HIPK1: variants seen among roughly 807,000 people sequenced by gnomAD.
HIPK1 encodes the protein homeodomain interacting protein kinase 1.
HIPK1 carries 28 observed loss-of-function variants against 117.1 expected under a neutral mutation model. The ratio of observed to expected loss-of-function variants is 0.24; its 90% CI spans 0.18 to 0.33. The LOEUF (loss-of-function observed/expected upper bound fraction) is 0.33, where lower values mean the gene tolerates loss of function less well. HIPK1 is among the 10% of genes least tolerant of loss of function. The pLI, the probability that HIPK1 is intolerant of heterozygous loss-of-function variation, is 1.00. For synonymous variants in HIPK1, 605 were observed against 562.5 expected (o/e 1.08, Z -1.07); for missense variants, 1,122 against 1,475.1 (o/e 0.76, Z 3.92).
chr1:113,957,765 C>A lies in HIPK1; in HGVS notation c.1756-301C>A, dbSNP rs1338246515. On this transcript the variant is annotated intron_variant, in intron 7 of 15. Coordinates refer to ENST00000426820, the MANE Select transcript of HIPK1 (RefSeq NM_198268.3). Reference sequence around the variant, plus strand: ...TGGGTCTACTTTTTTAATGGAAGAGCCTATGAGATTTGGTGGGATCTTCCA... The same window carrying A: ...TGGGTCTACTTTTTTAATGGAAGAGACTATGAGATTTGGTGGGATCTTCCA... 2.6e-5 allele frequency among the ~76,000 whole-genome samples: 4 copies of A among 152,084 alleles called. No individual in the cohort carries two copies. In the East Asian group the frequency reaches 5.8e-4, roughly 22 times the overall value.
Position 113,929,345 on chromosome 1 carries a change from G to A in HIPK1, c.-190G>A, listed in dbSNP as rs771164440. 3 of 1,289,410 alleles carry A rather than the reference G, an allele frequency of 2.3e-6. No homozygotes were observed. Among genetic ancestry groups the A allele is most frequent in the East Asian group, 1.1e-4 (2 of 18,102 alleles). The allele number at this position is 1,289,410 out of a possible 1,614,324, so 79.9% of individuals were successfully genotyped here. A position where few individuals can be genotyped will look rare whatever the true frequency, so the allele number is the denominator to read the frequency against. Reference sequence around the variant, plus strand: ...GGATGACATTTTACAGTTGGATCCCGTACCACCGCCAGGCACCTTTAAATC... The same window carrying A: ...GGATGACATTTTACAGTTGGATCCCATACCACCGCCAGGCACCTTTAAATC... On this transcript the variant is annotated 5_prime_UTR_variant, in exon 1 of 16. Coordinates refer to ENST00000426820, the MANE Select transcript of HIPK1 (RefSeq NM_198268.3).
intron 10 of HIPK1, 42 bp from the exon 11 acceptor site, chr1:113,966,088 A>G: frequency 6.4e-7 from 1 of 1,572,272 alleles, no homozygotes; most frequent in Non-Finnish European, 8.6e-7. Flanking sequence ...AAAGCCAAGA[A>G]TGAATCAAGT....
At chr1:113,961,741 C>T (rs1051844199) in intron 8 of HIPK1, among the ~76,000 whole-genome samples, 13 of 151,736 alleles carry the variant, frequency 8.6e-5, no homozygotes, top group East Asian at 5.8e-4. Flanking sequence ...GTCAGGAGTT[C>T]GAGACCAGCC....
chr1:113,942,305 C>G (rs1670703345), intron 2 of HIPK1, among the ~76,000 whole-genome samples: 1 of 152,144 alleles, frequency 6.6e-6, no homozygotes, highest in African/African-American at 2.4e-5. Context: ...AGGTGATCCA[C>G]CCGCCTCAGC....
intron 9 of HIPK1, 79 bp from the exon 10 acceptor site, chr1:113,963,308 G>A (rs1397517723): frequency 2.7e-6 from 4 of 1,482,162 alleles, no homozygotes; most frequent in African/African-American, 1.4e-5. Context: ...GTAATAACTT[G>A]GGGGGAATGA....
At chr1:113,943,681 T>G (rs986315923) in intron 2 of HIPK1, among the ~76,000 whole-genome samples, 10 of 152,226 alleles carry the variant, frequency 6.6e-5, no homozygotes, top group South Asian at 4.1e-4. Flanking sequence ...AATTCTATGT[T>G]TAACTTTTTG....
intron 8 of HIPK1, among the ~76,000 whole-genome samples, chr1:113,959,196 T>C (rs1157227191): frequency 6.6e-6 from 1 of 152,030 alleles, no homozygotes; most frequent in Non-Finnish European, 1.5e-5. Flanking sequence ...TAGAAGCAGG[T>C]AGCATTTTTG....
rs17852555 is a variant in HIPK1 at position 113,962,378 on chromosome 1, G to A, written c.2043G>A (p.Pro681=). 0.24 allele frequency: 392,755 copies of A among 1,612,962 alleles called. 49,013 individuals carry two copies. Among genetic ancestry groups the A allele is most frequent in the African/African-American group, 0.33 (24,867 of 74,898 alleles). ...CTGTGAGGATGGATAATGCTGTACCGATTGTACCCCAGGCACCAGCTGCTC... is the reference window on the plus strand; with the variant it reads ...CTGTGAGGATGGATAATGCTGTACCAATTGTACCCCAGGCACCAGCTGCTC... ...GFPVRMDNAV[P]IVPQAPAAQP... is the part of the protein sequence containing the mutation. Residue 681 remains proline, a synonymous_variant, in exon 9 of 16, where the codon CCG becomes CCA. Transcript: ENST00000426820.
intron 1 of HIPK1, among the ~76,000 whole-genome samples, chr1:113,934,673 C>T (rs1205656464): frequency 6.7e-6 from 1 of 149,664 alleles, no homozygotes; most frequent in South Asian, 2.1e-4. Context: ...ATGCCAGGTA[C>T]GGTGGCTCAT....
At chr1:113,965,815 A>G (rs1672405294) in intron 10 of HIPK1, among the ~76,000 whole-genome samples, 1 of 152,204 alleles carries the variant, frequency 6.6e-6, no homozygotes, top group Non-Finnish European at 1.5e-5. Context: ...CCAGCATTTA[A>G]CCAGCTCTTA....
chr1:113,942,674 A>C (rs1670728795), intron 2 of HIPK1, among the ~76,000 whole-genome samples: 1 of 152,178 alleles, frequency 6.6e-6, no homozygotes, highest in African/African-American at 2.4e-5. Context: ...TGATACTTTT[A>C]ATGTAGCTAC....
chr1:113,962,470 T>C, intron 9 of HIPK1, 32 bp downstream of exon 9: 1 of 1,605,332 alleles, frequency 6.2e-7, no homozygotes, highest in South Asian at 1.1e-5. Context: ...ATACTCAGTA[T>C]TGCTAAACAC....
intron 15 of HIPK1, among the ~76,000 whole-genome samples, chr1:113,972,597 T>C (rs1404209458): frequency 1.3e-5 from 2 of 152,216 alleles, no homozygotes; most frequent in African/African-American, 4.8e-5. Context: ...AAGTTTGAGT[T>C]AGTGCATGTA....
chr1:113,966,894 ACT>A (rs1222206190), intron 11 of HIPK1, among the ~76,000 whole-genome samples: 2 of 143,514 alleles, frequency 1.4e-5, no homozygotes, highest in Non-Finnish European at 3.0e-5. Flanking sequence ...GCCCTCCACT[ACT>A]CTTACCAGCC....
In HIPK1 at chr1:113,971,757, A is replaced by C. The variant is rs1672840512; in HGVS notation, c.3014-67A>C. 6.7e-6 allele frequency: 10 copies of C among 1,498,772 alleles called. No homozygotes were observed. In the South Asian group the frequency reaches 1.3e-4, roughly 19 times the overall value. 92.8% of individuals were successfully genotyped at this position (1,498,772 alleles called of 1,614,324 possible). On this transcript the variant is annotated intron_variant, in intron 14 of 15. Transcript: ENST00000426820. ...ACTACATACAGATGTGGACTAATTAATATGATGCCATCTGAGGTTAGCTCA... is the reference window on the plus strand; with the variant it reads ...ACTACATACAGATGTGGACTAATTACTATGATGCCATCTGAGGTTAGCTCA...
intron 2 of HIPK1, among the ~76,000 whole-genome samples, chr1:113,942,070 A>G (rs1457215090): frequency 1.4e-5 from 2 of 139,310 alleles, no homozygotes; most frequent in Non-Finnish European, 3.1e-5. Flanking sequence ...CTATTTATTT[A>G]TTTTTTTAAG....
rs1032797587 is a variant in HIPK1, at chr1:113,974,425, CTCTG to C, written c.*917_*920del. On this transcript the variant is annotated 3_prime_UTR_variant, in exon 16 of 16. Transcript: ENST00000426820. ...GTGGTGGTTTTATTATATGCAAAAT[CTCTG>C]TCTATTATGAGATACTGGCATTGAT... 16 of 152,706 alleles carry C rather than the reference CTCTG, an allele frequency of 1.0e-4. No individual in the cohort carries two copies. The highest frequency in any genetic ancestry group is 3.1e-4 in the African/African-American group (13 of 41,498). The allele number at this position is 152,706 out of a possible 1,614,324, so 9.5% of individuals were successfully genotyped here.
At chr1:113,957,363 C>A (rs1671793366) in intron 7 of HIPK1, 77 bp downstream of exon 7, 1 of 1,213,154 alleles carries the variant, frequency 8.2e-7, no homozygotes, top group Non-Finnish European at 1.1e-6. Flanking sequence ...AGGTAAAGAA[C>A]CAATTTTTGT....
At chr1:113,943,090 G>A (rs1670757036) in intron 2 of HIPK1, among the ~76,000 whole-genome samples, 1 of 152,110 alleles carries the variant, frequency 6.6e-6, no homozygotes, top group African/African-American at 2.4e-5. Context: ...AAAACATTGT[G>A]GTAAGATGTT....
Sources: allele counts gnomAD v4.1 joint callset (sites outside exome capture counted in the v4.1 genomes callset), GRCh38; gene constraint gnomAD v4.1.1; transcripts MANE v1.5; gene names NCBI Gene and HGNC (gene_info 2026-07-23, HGNC 2026-07-21).